ZNF516: variants seen among roughly 807,000 people sequenced by gnomAD.
The protein encoded by ZNF516 is zinc finger protein 516.
Under a neutral mutation model 79.7 loss-of-function variants are expected in ZNF516, and 19 were observed. The observed-to-expected ratio is 0.24, with a 90% CI of 0.17 to 0.35. The LOEUF is 0.35. Ranked by LOEUF, ZNF516 falls within the 10% of genes least tolerant of loss-of-function variation. The pLI, the probability that ZNF516 is intolerant of heterozygous loss-of-function variation, is 1.00. For missense variants in ZNF516, 1,678 were observed against 1,679.5 expected (o/e 1.00, Z 0.02); for synonymous variants, 877 against 739.5 (o/e 1.19, Z -3.02).
At chr18:76,496,057 A>G (rs1915468324), upstream of ZNF516, among the ~76,000 whole-genome samples, 1 of 151,696 alleles carries the variant, frequency 6.6e-6, no homozygotes, top group African/African-American at 2.4e-5. Context: ...AGCAGTAGTT[A>G]GTTGTAATAA....
chr18:76,434,325 G>A (rs966897256), intron 3 of ZNF516, among the ~76,000 whole-genome samples: 4 of 152,162 alleles, frequency 2.6e-5, no homozygotes, highest in African/African-American at 7.2e-5. Flanking sequence ...CAACAGGTTC[G>A]GGGCTGAAAG....
chr18:76,406,880 A>C (rs1029035159), intron 3 of ZNF516, among the ~76,000 whole-genome samples: 1 of 152,152 alleles, frequency 6.6e-6, no homozygotes, highest in Non-Finnish European at 1.5e-5. Flanking sequence ...TGAGAGTGGG[A>C]GACAGCAGCC....
chr18:76,485,010 C>G (rs1045551418), intron 1 of ZNF516, among the ~76,000 whole-genome samples: 1 of 151,660 alleles, frequency 6.6e-6, no homozygotes, highest in African/African-American at 2.4e-5. Flanking sequence ...GTTGCTACGG[C>G]AAGCACTTTT....
chr18:76,380,820 C>T (rs149763004), intron 3 of ZNF516, among the ~76,000 whole-genome samples: 13 of 152,184 alleles, frequency 8.5e-5, no homozygotes, highest in African/African-American at 3.1e-4. Flanking sequence ...TGTCTGCCTC[C>T]GAAACCACTG....
intron 2 of ZNF516, among the ~76,000 whole-genome samples, chr18:76,462,201 T>G (rs1196702628): frequency 9.2e-5 from 14 of 152,146 alleles, no homozygotes; most frequent in African/African-American, 2.9e-4. Context: ...CCCATCACAG[T>G]GGGGAGCGGG....
At chr18:76,483,779 C>T (rs545557380) in intron 1 of ZNF516, among the ~76,000 whole-genome samples, 2 of 152,234 alleles carry the variant, frequency 1.3e-5, no homozygotes, top group East Asian at 1.9e-4. Flanking sequence ...CATTGGGTTT[C>T]GCAAGAAAAC....
At chr18:76,371,663 ACAT>A (rs1409037397) in intron 4 of ZNF516, 92 bp from the exon 5 acceptor site, 1 of 974,686 alleles carries the variant, frequency 1.0e-6, no homozygotes, top group Non-Finnish European at 1.6e-6. Flanking sequence ...CGAGAGGAAA[ACAT>A]CATTAGTCTG....
At chr18:76,413,545 T>A (rs1029079809) in intron 3 of ZNF516, among the ~76,000 whole-genome samples, 1 of 151,536 alleles carries the variant, frequency 6.6e-6, no homozygotes, top group African/African-American at 2.4e-5. Context: ...ATTAATAAGA[T>A]AAAGTACATT....
At chr18:76,364,265 T>C (rs766035391) in intron 6 of ZNF516, among the ~76,000 whole-genome samples, 2 of 152,206 alleles carry the variant, frequency 1.3e-5, no homozygotes, top group Admixed American at 6.5e-5. Context: ...TTTTTTAAGA[T>C]AGTTGCTTTA....
chr18:76,445,822 C>T lies in ZNF516; in HGVS notation c.-157-2611G>A, dbSNP rs143138918. Among the ~76,000 whole-genome samples, 13 of 152,346 alleles carry T rather than the reference C, an allele frequency of 8.5e-5. No individual in the cohort carries two copies. The East Asian group carries it at 2.5e-3, about 29-fold the overall frequency. ...GGCCGTTAGAGACAGCCCTCGAGTGCAGCATGAAGCAAAAGGAGATTTGTT... is the reference window on the plus strand; with the variant it reads ...GGCCGTTAGAGACAGCCCTCGAGTGTAGCATGAAGCAAAAGGAGATTTGTT... On this transcript the variant is annotated intron_variant, in intron 2 of 6. Coordinates refer to ENST00000443185, the MANE Select transcript of ZNF516 (RefSeq NM_014643.4).
upstream of ZNF516, chr18:76,495,615 C>A: frequency 1.9e-6 from 1 of 526,708 alleles, no homozygotes; most frequent in Non-Finnish European, 2.8e-6. Context: ...GGCCAGTGGT[C>A]GCCCCTCGTC....
chr18:76,412,373 G>A (rs958404248), intron 3 of ZNF516, among the ~76,000 whole-genome samples: 1 of 152,112 alleles, frequency 6.6e-6, no homozygotes, highest in Non-Finnish European at 1.5e-5. Context: ...ACTCTGGGTG[G>A]GCCACTCCAG....
intron 1 of ZNF516, among the ~76,000 whole-genome samples, chr18:76,473,549 C>G (rs2145739766): frequency 6.6e-6 from 1 of 152,200 alleles, no homozygotes; most frequent in East Asian, 1.9e-4. Flanking sequence ...CGCCTGTAAT[C>G]ACAGCACTTT....
intron 1 of ZNF516, among the ~76,000 whole-genome samples, chr18:76,473,906 G>GC (rs1568322718): frequency 4.9e-5 from 7 of 143,642 alleles, no homozygotes; most frequent in Non-Finnish European, 7.7e-5. Context: ...TTTTGTGTGG[G>GC]GGGGGGGGGG....
At chr18:76,453,881 T>C (rs1912565060) in intron 2 of ZNF516, among the ~76,000 whole-genome samples, 2 of 152,230 alleles carry the variant, frequency 1.3e-5, no homozygotes, top group African/African-American at 4.8e-5. Flanking sequence ...ATAAGCTGTA[T>C]ATACTATGCC....
intron 6 of ZNF516, among the ~76,000 whole-genome samples, chr18:76,368,501 T>G (rs11150947): frequency 0.056 from 8,483 of 151,292 alleles, 301 homozygotes; most frequent in Non-Finnish European, 0.088. Context: ...GAACTGCCAC[T>G]GTCCTATGAA....
In ZNF516 at chr18:76,442,065, G is replaced by C. The variant is rs759971370; in HGVS notation, c.990C>G (p.Gly330=). The C allele has an allele frequency of 3.7e-6, 6 of 1,613,898 alleles. No individual in the cohort carries two copies. The Admixed American group carries it at 5.0e-5, about 13-fold the overall frequency. Residue 330 remains glycine (G), a synonymous_variant, in exon 3 of 7, where the codon GGC becomes GGG. Transcript: ENST00000443185. ...NVVQEEVIVA[G]LSLYEVCAKC... Reference sequence around the variant, plus strand: ...TGGCGCAGACCTCGTAGAGGCTCAGGCCGGCGACGATCACCTCCTCCTGGA... The same window carrying C: ...TGGCGCAGACCTCGTAGAGGCTCAGCCCGGCGACGATCACCTCCTCCTGGA...
At chr18:76,370,494 G>C in intron 6 of ZNF516, 34 bp downstream of exon 6, 1 of 1,570,032 alleles carries the variant, frequency 6.4e-7, no homozygotes, top group Non-Finnish European at 8.6e-7. Flanking sequence ...CTACCGCATC[G>C]AAACCCAGAC....
chr18:76,424,608 AAC>A (rs1312054877), intron 3 of ZNF516, among the ~76,000 whole-genome samples: 4 of 117,238 alleles, frequency 3.4e-5, no homozygotes, highest in African/African-American at 1.0e-4. Flanking sequence ...GCTCCCCCGA[AAC>A]ACACGCAGGT....
Sources: allele counts gnomAD v4.1 joint callset (sites outside exome capture counted in the v4.1 genomes callset), GRCh38; gene constraint gnomAD v4.1.1; transcripts MANE v1.5; gene names NCBI Gene and HGNC (gene_info 2026-07-23, HGNC 2026-07-21).